The following ZNF148 variants were observed in gnomAD, a reference collection of about 807,000 sequenced individuals.
The protein encoded by ZNF148 is Beta-Enolase Repressor Factor-1.
ZNF148 carries 7 observed loss-of-function variants against 67.7 expected under a neutral mutation model. The ratio of observed to expected loss-of-function variants is 0.10; its 90% confidence interval spans 0.06 to 0.19. The LOEUF (loss-of-function observed/expected upper bound fraction) is 0.19, where lower values mean the gene tolerates loss of function less well. Ranked by LOEUF, ZNF148 falls within the 10% of genes least tolerant of loss-of-function variation. The pLI, the probability that ZNF148 is intolerant of heterozygous loss-of-function variation, is 1.00. For missense variants in ZNF148, 583 were observed against 947.1 expected (o/e 0.62, Z 5.05); for synonymous variants, 333 against 330.7 (o/e 1.01, Z -0.08).
At chr3:125,318,481 C>T (rs1286805021) in intron 3 of ZNF148, among the ~76,000 whole-genome samples, 5 of 149,876 alleles carry the variant, frequency 3.3e-5, no homozygotes, top group Non-Finnish European at 7.4e-5. Flanking sequence ...TCTTATTACT[C>T]ACATGGAAGA....
intron 1 of ZNF148, among the ~76,000 whole-genome samples, chr3:125,360,313 G>T (rs1027902015): frequency 2.0e-5 from 3 of 151,566 alleles, no homozygotes; most frequent in African/African-American, 7.3e-5. Flanking sequence ...TTTAGACAGG[G>T]TCTCACTCTG....
At chr3:125,325,444 T>C (rs1940975984) in intron 2 of ZNF148, among the ~76,000 whole-genome samples, 1 of 152,054 alleles carries the variant, frequency 6.6e-6, no homozygotes, top group Non-Finnish European at 1.5e-5. Flanking sequence ...TAATAAAATA[T>C]TGGCCAAAAA....
intron 3 of ZNF148, among the ~76,000 whole-genome samples, chr3:125,320,761 C>T (rs1940735355): frequency 6.6e-6 from 1 of 152,112 alleles, no homozygotes. Flanking sequence ...GGAACTTGTT[C>T]TGAAAACAGG....
At chr3:125,375,061 G>A (rs1013865533) in intron 1 of ZNF148, 41 bp downstream of exon 1, 5 of 76,928 alleles carry the variant, frequency 6.5e-5, no homozygotes, top group East Asian at 4.7e-4. Flanking sequence ...CCCCTCCCCC[G>A]CCCTCCCCCG....
intron 4 of ZNF148, among the ~76,000 whole-genome samples, chr3:125,296,070 C>T (rs1414669074): frequency 6.6e-6 from 1 of 151,824 alleles, no homozygotes; most frequent in African/African-American, 2.4e-5. Flanking sequence ...GTTAGATCCT[C>T]CTTCTAAATT....
intron 4 of ZNF148, among the ~76,000 whole-genome samples, chr3:125,301,816 C>A (rs1470995029): frequency 6.6e-6 from 1 of 152,198 alleles, no homozygotes; most frequent in Non-Finnish European, 1.5e-5. Context: ...ATAATCCCAC[C>A]ACTCTGGGAG....
In ZNF148 at chr3:125,232,026, T is replaced by C. The variant is rs755589588; in HGVS notation, c.*315A>G. On this transcript the variant is annotated 3_prime_UTR_variant, in exon 9 of 9. Transcript: ENST00000360647. The surrounding 1 kb of genome is among the most constrained non-coding windows in gnomAD (Gnocchi z 4.2). ...TTACTAATCTCCTAAGAATGTACAA[T>C]GTTATCAGTTAGGAAACAATTGTGC... 3.5e-5 allele frequency: 8 copies of C among 229,166 alleles called. No individual in the cohort carries two copies. Among genetic ancestry groups the C allele is most frequent in the African/African-American group, 9.1e-5 (4 of 44,160 alleles). The allele number at this position is 229,166 out of a possible 1,614,324, so 14.2% of individuals were successfully genotyped here.
intron 7 of ZNF148, among the ~76,000 whole-genome samples, chr3:125,243,277 CT>C (rs1025950256): frequency 6.6e-6 from 1 of 152,046 alleles, no homozygotes; most frequent in African/African-American, 2.4e-5. Context: ...TCTGTTATAT[CT>C]TCTATTCCCT....
intron 4 of ZNF148, among the ~76,000 whole-genome samples, chr3:125,307,061 A>AG (rs890484821): frequency 6.6e-6 from 1 of 151,848 alleles, no homozygotes; most frequent in Non-Finnish European, 1.5e-5. Flanking sequence ...TTCCAAAAAA[A>AG]AAAAAAGAAA....
chr3:125,277,550 A>G (rs770719887), intron 7 of ZNF148, among the ~76,000 whole-genome samples, 176 bp downstream of exon 7: 14 of 152,238 alleles, frequency 9.2e-5, no homozygotes, highest in Non-Finnish European at 1.9e-4. Context: ...GGGCTTGGAC[A>G]TTAAAGTTAA....
intron 3 of ZNF148, among the ~76,000 whole-genome samples, chr3:125,317,263 A>G (rs1196788626): frequency 6.6e-6 from 1 of 152,200 alleles, no homozygotes; most frequent in Non-Finnish European, 1.5e-5. Context: ...ACAGACTCCA[A>G]TATCAATGGA....
At chr3:125,280,758 C>CAAAAAAAA in intron 5 of ZNF148, among the ~76,000 whole-genome samples, 1 of 93,508 alleles carries the variant, frequency 1.1e-5, no homozygotes, top group Non-Finnish European at 2.1e-5. Flanking sequence ...TTGACGAAAG[C>CAAAAAAAA]AAAAAAAAAA....
At chr3:125,350,805 G>A (rs1436630936) in intron 1 of ZNF148, among the ~76,000 whole-genome samples, 2 of 152,150 alleles carry the variant, frequency 1.3e-5, no homozygotes, top group Admixed American at 6.5e-5. Context: ...ACAGGCCTCC[G>A]ACTGGCAGCA....
chr3:125,306,327 T>C (rs1220109500), intron 4 of ZNF148, among the ~76,000 whole-genome samples: 1 of 152,094 alleles, frequency 6.6e-6, no homozygotes, highest in Non-Finnish European at 1.5e-5. Context: ...TTAAAGTGAA[T>C]AGTGAAAATC....
At chr3:125,363,442 A>C (rs1942604443) in intron 1 of ZNF148, among the ~76,000 whole-genome samples, 2 of 152,164 alleles carry the variant, frequency 1.3e-5, no homozygotes, top group Non-Finnish European at 2.9e-5. Context: ...CAGTTCTGCT[A>C]AGTGATCTAA....
At chr3:125,279,011 T>C (rs1378401439) in intron 6 of ZNF148, 113 bp downstream of exon 6, 2 of 1,167,066 alleles carry the variant, frequency 1.7e-6, no homozygotes, top group South Asian at 2.6e-5. Flanking sequence ...AAATCTCTGA[T>C]TTGGAATGCC....
Position 125,331,252 on chromosome 3 carries a change from C to T in ZNF148, c.-233-14G>A. 2.5e-6 allele frequency: 1 copy of T among 398,504 alleles called. No homozygotes were observed. Among genetic ancestry groups the T allele is most frequent in the East Asian group, 3.6e-5 (1 of 28,064 alleles). The allele number at this position is 398,504 out of a possible 1,614,324, so 24.7% of individuals were successfully genotyped here. On this transcript the variant is annotated splice_polypyrimidine_tract_variant and intron_variant, in intron 1 of 8. Transcript: ENST00000360647. ...CCTCCCTCTATCCTACAAAAGTACA[C>T]AAATACAGGTTAACCCCCAAAAGAA...
At chr3:125,322,550 A>G (rs1175466663) in intron 3 of ZNF148, among the ~76,000 whole-genome samples, 1 of 152,106 alleles carries the variant, frequency 6.6e-6, no homozygotes, top group African/African-American at 2.4e-5. Context: ...TTAAAGGTAA[A>G]GAGAATGCCC....
chr3:125,321,312 T>C (rs1408731327), intron 3 of ZNF148, among the ~76,000 whole-genome samples: 4 of 152,140 alleles, frequency 2.6e-5, no homozygotes, highest in Non-Finnish European at 4.4e-5. Context: ...TAAACAAATA[T>C]CTATTTCAAT....
Sources: allele counts gnomAD v4.1 joint callset (sites outside exome capture counted in the v4.1 genomes callset), GRCh38; gene constraint gnomAD v4.1.1; non-coding constraint Gnocchi (gnomAD v3.1); transcripts MANE v1.5; gene names NCBI Gene and HGNC (gene_info 2026-07-23, HGNC 2026-07-21).